POFUT4: variants seen among roughly 807,000 people sequenced by gnomAD.
POFUT4 encodes the protein protein O-fucosyltransferase 4, also known as GDP-fucose protein O-fucosyltransferase 4.
At chr10:73,779,652 T>C in the POFUT4 span, 1 of 152,198 alleles carries the variant, frequency 6.6e-6, no homozygotes, top group African/African-American at 2.4e-5. Context: ...GCTTGCAATC[T>C]ATCTAAATGC....
the POFUT4 span, chr10:73,773,785 G>C: frequency 2.5e-6 from 4 of 1,591,754 alleles, no homozygotes; most frequent in South Asian, 1.1e-5. Context: ...CCTGGCTTTG[G>C]CAATGTGGAA....
the POFUT4 span, among the ~76,000 whole-genome samples, chr10:73,777,872 T>G: frequency 1.4e-5 from 2 of 143,868 alleles, no homozygotes; most frequent in East Asian, 4.2e-4. Context: ...CCTTTTTTTT[T>G]TTTTTGAGGC....
At chr10:73,772,774 G>C in the POFUT4 span, 2 of 1,609,286 alleles carry the variant, frequency 1.2e-6, no homozygotes, top group African/African-American at 2.7e-5. Context: ...TCCTCCACGA[G>C]GAGTCGCCCC....
the POFUT4 span, chr10:73,773,710 G>C: frequency 6.2e-7 from 1 of 1,614,242 alleles, no homozygotes; most frequent in Non-Finnish European, 8.5e-7. Context: ...GCCTCTCCCG[G>C]GGACAGCCCC....
chr10:73,777,943 T>A, the POFUT4 span, among the ~76,000 whole-genome samples: 1 of 150,582 alleles, frequency 6.6e-6, no homozygotes, highest in Non-Finnish European at 1.5e-5. Flanking sequence ...CACTGCAGCC[T>A]CTGCCTCCCA....
chr10:73,776,771 C>T, the POFUT4 span, among the ~76,000 whole-genome samples: 1 of 152,182 alleles, frequency 6.6e-6, no homozygotes, highest in African/African-American at 2.4e-5. Context: ...CCTCCACCTC[C>T]CTGGTTCAAG....
the POFUT4 span, chr10:73,773,679 G>C: frequency 1.2e-6 from 2 of 1,614,250 alleles, no homozygotes; most frequent in Non-Finnish European, 1.7e-6. Context: ...GGCTCGGCTG[G>C]ATGCCGAGAA....
At chr10:73,775,440 C>A in the POFUT4 span, 7 of 1,612,974 alleles carry the variant, frequency 4.3e-6, no homozygotes, top group Admixed American at 8.3e-5. Flanking sequence ...AAGTTAGAGA[C>A]CACTGTATCT....
At chr10:73,772,415 G>A in the POFUT4 span, 1 of 1,572,972 alleles carries the variant, frequency 6.4e-7, no homozygotes, top group Non-Finnish European at 8.6e-7. Context: ...TGGGTCCGTA[G>A]CGGAGAGGGA....
chr10:73,773,546 A>C, the POFUT4 span: 1 of 1,614,268 alleles, frequency 6.2e-7, no homozygotes, highest in Non-Finnish European at 8.5e-7. Flanking sequence ...CATACAAGCA[A>C]CCTGGGGGCA....
chr10:73,772,454 C>T, the POFUT4 span: 1 of 1,561,190 alleles, frequency 6.4e-7, no homozygotes. Context: ...GTGGGCGGAA[C>T]CGTGGGATGG....
At chr10:73,775,167 G>T in the POFUT4 span, 1 of 497,044 alleles carries the variant, frequency 2.0e-6, no homozygotes, top group Admixed American at 3.5e-5. Flanking sequence ...TTTGATTATT[G>T]GCATAAAGGT....
At chr10:73,772,534 A>C in the POFUT4 span, 1 of 1,568,328 alleles carries the variant, frequency 6.4e-7, no homozygotes, top group African/African-American at 1.4e-5. Flanking sequence ...CGCCGCGGCC[A>C]GGGAGGGAGG....
chr10:73,773,285 G>C, the POFUT4 span: 1 of 1,614,144 alleles, frequency 6.2e-7, no homozygotes, highest in Admixed American at 1.7e-5. Flanking sequence ...CAGAGCTCTT[G>C]GCTTTCTTGT....
chr10:73,772,771 C>T, the POFUT4 span: 7 of 1,608,766 alleles, frequency 4.4e-6, no homozygotes, highest in African/African-American at 4.0e-5. Flanking sequence ...CGCTCCTCCA[C>T]GAGGAGTCGC....
the POFUT4 span, chr10:73,773,839 A>G: frequency 6.5e-7 from 1 of 1,527,514 alleles, no homozygotes; most frequent in Non-Finnish European, 8.8e-7. Flanking sequence ...GGTCCCCTGC[A>G]GCTATCAAAT....
chr10:73,773,209 G>T, the POFUT4 span: 1 of 1,611,812 alleles, frequency 6.2e-7, no homozygotes. Flanking sequence ...TACGGGAAAT[G>T]CCTGCAGAAT....
the POFUT4 span, chr10:73,772,439 G>C: frequency 6.4e-7 from 1 of 1,564,076 alleles, no homozygotes; most frequent in Non-Finnish European, 8.6e-7. Flanking sequence ...CGGCGGGGAG[G>C]CGGAGTGGGC....
the POFUT4 span, chr10:73,773,457 G>T: frequency 6.2e-7 from 1 of 1,614,246 alleles, no homozygotes; most frequent in Non-Finnish European, 8.5e-7. Flanking sequence ...CCTGATTGAT[G>T]ATTTTGAGTC....
Sources: allele counts gnomAD v4.1 joint callset (sites outside exome capture counted in the v4.1 genomes callset), GRCh38; gene constraint gnomAD v4.1.1; transcripts MANE v1.5; gene names NCBI Gene and HGNC (gene_info 2026-07-23, HGNC 2026-07-21).